The following CDH12 variants were observed in gnomAD, a reference collection of about 807,000 sequenced individuals.
The protein encoded by CDH12 is cadherin 12.
Under a neutral mutation model 74.1 loss-of-function variants are expected in CDH12, and 41 were observed. The observed-to-expected ratio is 0.55, with a 90% CI of 0.43 to 0.72. The LOEUF (loss-of-function observed/expected upper bound fraction) is 0.72, where lower values mean the gene tolerates loss of function less well. Ranked by LOEUF, CDH12 falls within the 30% of genes least tolerant of loss-of-function variation. The pLI is 0.00. For missense variants in CDH12, 945 were observed against 977.2 expected, an observed-to-expected ratio of 0.97 and a Z score of 0.44; for synonymous variants, 399 against 355.0, an observed-to-expected ratio of 1.12 and a Z score of -1.39.
chr5:22,083,541 GA>G (rs745686048), intron 4 of CDH12, among the ~76,000 whole-genome samples: 13 of 152,170 alleles, frequency 8.5e-5, no homozygotes, highest in Non-Finnish European at 1.6e-4. Flanking sequence ...ATAATTCATT[GA>G]ATGGTAATAG....
At chr5:21,780,819 T>A (rs1561178918) in intron 11 of CDH12, among the ~76,000 whole-genome samples, 1 of 152,188 alleles carries the variant, frequency 6.6e-6, no homozygotes, top group Non-Finnish European at 1.5e-5. Flanking sequence ...TTTTTAAAAT[T>A]ATGATATATT....
intron 1 of CDH12, among the ~76,000 whole-genome samples, chr5:22,697,092 G>C (rs1742409764): frequency 6.6e-6 from 1 of 152,132 alleles, no homozygotes; most frequent in Non-Finnish European, 1.5e-5. Context: ...AATCCCTTTA[G>C]AGCACGATTA....
rs1283919906 is a variant in CDH12, at chr5:21,880,615, C to CT, written c.527-25826_527-25825insA. On this transcript the variant is annotated intron_variant, in intron 6 of 14. Transcript: ENST00000382254. ...TCCTTCCTTCCTTCCTTCCTTCCTT[C>CT]CTTCTTTCTTTCTTTCTTTCTTTCT... Among the ~76,000 whole-genome samples the CT allele has an allele frequency of 1.3e-3, 108 of 84,742 alleles. 1 individual carries two copies. Among genetic ancestry groups the CT allele is most frequent in the African/African-American group, 4.8e-3 (103 of 21,456 alleles). The allele number at this position is 84,742 out of a possible 152,430, so 55.6% of individuals were successfully genotyped here.
At chr5:22,404,671 G>A (rs1001513983) in intron 3 of CDH12, among the ~76,000 whole-genome samples, 3 of 152,138 alleles carry the variant, frequency 2.0e-5, no homozygotes, top group African/African-American at 4.8e-5. Flanking sequence ...TACAATACCT[G>A]TAGAAATGAG....
intron 11 of CDH12, among the ~76,000 whole-genome samples, chr5:21,773,820 TTTTC>T (rs1428250827): frequency 2.6e-5 from 4 of 152,194 alleles, no homozygotes; most frequent in Admixed American, 2.0e-4. Flanking sequence ...TATTTCCTTT[TTTTC>T]TTTATCATGT....
At chr5:22,739,744 C>T (rs181117449) in intron 1 of CDH12, among the ~76,000 whole-genome samples, 2 of 152,186 alleles carry the variant, frequency 1.3e-5, no homozygotes, top group African/African-American at 4.8e-5. Context: ...CAACCCACAT[C>T]CTTCTTTCAG....
chr5:22,117,489 T>TAATATA (rs1491147762), intron 4 of CDH12, among the ~76,000 whole-genome samples: 2 of 48,606 alleles, frequency 4.1e-5, no homozygotes, highest in African/African-American at 1.5e-4. Flanking sequence ...TATATATATA[T>TAATATA]TATATATATA....
In CDH12 at chr5:22,188,152, T is replaced by C. The variant is rs1269910510; in HGVS notation, c.-187+24346A>G. The stretch of plus-strand genomic sequence containing the variant: ...TTGGGTTGTGGGGGTGGATCCCTGA[T>C]GGATGGCTTGGTGCTGTGATCCTAG... On this transcript the variant is annotated intron_variant, in intron 4 of 14. Coordinates refer to ENST00000382254, the MANE Select transcript of CDH12 (RefSeq NM_004061.5). Among the ~76,000 whole-genome samples the C allele has an allele frequency of 8.6e-5, 13 of 151,668 alleles. No homozygotes were observed. The South Asian group carries it at 2.7e-3, about 32-fold the overall frequency.
At chr5:22,284,080 C>T (rs1213096967) in intron 3 of CDH12, among the ~76,000 whole-genome samples, 1 of 151,644 alleles carries the variant, frequency 6.6e-6, no homozygotes, top group Non-Finnish European at 1.5e-5. Context: ...ATGTTGAGTG[C>T]AAAAAAAGAT....
intron 5 of CDH12, among the ~76,000 whole-genome samples, chr5:22,007,500 AG>A (rs753830414): frequency 1.3e-5 from 2 of 152,172 alleles, no homozygotes; most frequent in African/African-American, 2.4e-5. Flanking sequence ...AACACAGACC[AG>A]GAAGTAATAG....
chr5:22,790,856 C>T (rs893839567), intron 1 of CDH12, among the ~76,000 whole-genome samples: 1 of 152,078 alleles, frequency 6.6e-6, no homozygotes, highest in East Asian at 1.9e-4. Context: ...CTCATGGCAT[C>T]GTGGTTGGCA....
At chr5:22,498,039 C>T (rs1747178612) in intron 2 of CDH12, among the ~76,000 whole-genome samples, 1 of 152,092 alleles carries the variant, frequency 6.6e-6, no homozygotes, top group South Asian at 2.1e-4. Flanking sequence ...CTTACCTTAG[C>T]GACTTGAAAT....
intron 2 of CDH12, among the ~76,000 whole-genome samples, chr5:22,413,967 T>A (rs1230533589): frequency 4.6e-5 from 7 of 152,150 alleles, no homozygotes; most frequent in African/African-American, 1.4e-4. Flanking sequence ...AACTTTTAAA[T>A]AAAAATTTTC....
intron 4 of CDH12, among the ~76,000 whole-genome samples, chr5:22,120,725 T>G (rs1278400368): frequency 3.9e-5 from 6 of 152,140 alleles, no homozygotes; most frequent in Non-Finnish European, 7.4e-5. Context: ...TTCTTTCTTT[T>G]CTTTCACTGG....
At chr5:22,429,272 C>T (rs969857195) in intron 2 of CDH12, among the ~76,000 whole-genome samples, 17 of 151,982 alleles carry the variant, frequency 1.1e-4, no homozygotes. Flanking sequence ...GATGGGACTA[C>T]AGTCATGCAC....
chr5:22,302,873 T>A (rs1737951126), intron 3 of CDH12, among the ~76,000 whole-genome samples: 1 of 152,088 alleles, frequency 6.6e-6, no homozygotes, highest in South Asian at 2.1e-4. Context: ...CACACACACA[T>A]GATTTCTGAG....
chr5:22,205,561 T>C (rs1751176216), intron 4 of CDH12, among the ~76,000 whole-genome samples: 1 of 152,040 alleles, frequency 6.6e-6, no homozygotes, highest in South Asian at 2.1e-4. Flanking sequence ...ATTTTAGCAA[T>C]AAGAAAGAAA....
At chr5:22,455,968 A>G (rs1479069235) in intron 2 of CDH12, among the ~76,000 whole-genome samples, 1 of 152,154 alleles carries the variant, frequency 6.6e-6, no homozygotes, top group African/African-American at 2.4e-5. Flanking sequence ...GAGGAAAAGC[A>G]AAATCAGATT....
intron 6 of CDH12, among the ~76,000 whole-genome samples, chr5:21,907,842 A>C (rs1753707842): frequency 6.6e-6 from 1 of 152,226 alleles, no homozygotes; most frequent in African/African-American, 2.4e-5. Flanking sequence ...AATACGCAGA[A>C]TGATGTCACC....
Sources: gnomAD v4.1 joint callset for allele counts (sites outside exome capture counted in the v4.1 genomes callset) on GRCh38, gnomAD v4.1.1 for gene constraint, MANE v1.5 for transcripts, NCBI Gene and HGNC (gene_info 2026-07-23, HGNC 2026-07-21) for gene names.